MARCHF1: variants seen among roughly 807,000 people sequenced by gnomAD.
MARCHF1 encodes E3 ubiquitin-protein ligase MARCHF1.
MARCHF1 carries 40 observed loss-of-function variants against 54.2 expected under a neutral mutation model. The observed-to-expected ratio is 0.74, with a 90% CI of 0.57 to 0.96. The LOEUF (loss-of-function observed/expected upper bound fraction) is 0.96. Among genes scored for constraint, MARCHF1 ranks in the 40% least tolerant of loss-of-function variants. MARCHF1 has a pLI of 0.00. For missense variants in MARCHF1, 586 were observed against 656.5 expected, an observed-to-expected ratio of 0.89 and a Z score of 1.17; for synonymous variants, 236 against 236.3, an observed-to-expected ratio of 1.00 and a Z score of 0.01.
intron 8 of MARCHF1, among the ~76,000 whole-genome samples, chr4:163,569,692 A>G (rs543995488): frequency 3.5e-4 from 54 of 152,274 alleles, no homozygotes; most frequent in African/African-American, 1.2e-3. Flanking sequence ...TGCTGACTCT[A>G]CAGCTCAAGA....
intron 3 of MARCHF1, among the ~76,000 whole-genome samples, chr4:163,923,058 A>C (rs1751464866): frequency 6.6e-6 from 1 of 152,186 alleles, no homozygotes; most frequent in Non-Finnish European, 1.5e-5. Context: ...GCTTGAAAAA[A>C]GTCCTGTTGG....
chr4:163,701,896 G>A (rs1367544289), intron 4 of MARCHF1, among the ~76,000 whole-genome samples: 1 of 151,958 alleles, frequency 6.6e-6, no homozygotes. Flanking sequence ...CAACTGCAAT[G>A]CATCTTGACA....
chr4:163,969,242 T>C lies in MARCHF1; in HGVS notation c.-39+19259A>G, dbSNP rs540303874. Among the ~76,000 whole-genome samples, 255 of 152,320 alleles carry C rather than the reference T, an allele frequency of 1.7e-3. 9 individuals carry two copies. In the South Asian group the frequency reaches 0.051, roughly 30 times the overall value. The stretch of plus-strand genomic sequence containing the variant: ...TAAACTCTATTTGCATTTTCATATT[T>C]TGTGCTAAGCTCAATATTTAAGAGT... On this transcript the variant is annotated intron_variant, in intron 3 of 9. Transcript: ENST00000514618.
chr4:164,262,823 C>T (rs1733504182), intron 1 of MARCHF1, among the ~76,000 whole-genome samples: 1 of 152,104 alleles, frequency 6.6e-6, no homozygotes, highest in South Asian at 2.1e-4. Flanking sequence ...TATACACTCC[C>T]AATATCACAG....
In MARCHF1 at chr4:164,159,042, ACAC is replaced by A. The variant is rs1730158937; in HGVS notation, c.-322-47383_-322-47381del. 2.0e-5 allele frequency among the ~76,000 whole-genome samples: 3 copies of A among 152,196 alleles called. No individual in the cohort carries two copies. The South Asian group carries it at 6.2e-4, about 32-fold the overall frequency. On this transcript the variant is annotated intron_variant, in intron 1 of 9. Transcript: ENST00000514618. ...TCCAGTAACAGCACTGTGGTTAAGA[ACAC>A]AGGCTCTGCAATTAGACAAACTTTT...
intron 4 of MARCHF1, among the ~76,000 whole-genome samples, chr4:163,753,412 CT>C (rs1746580796): frequency 6.6e-6 from 1 of 151,942 alleles, no homozygotes; most frequent in Non-Finnish European, 1.5e-5. Flanking sequence ...TTAGTGTCTG[CT>C]TTTTGAAGAA....
intron 2 of MARCHF1, among the ~76,000 whole-genome samples, chr4:164,037,987 G>A (rs1479582614): frequency 6.6e-6 from 1 of 152,128 alleles, no homozygotes; most frequent in African/African-American, 2.4e-5. Context: ...AGATGGTGGT[G>A]GGAAAGAAAT....
In MARCHF1 at chr4:164,070,219, C is replaced by G. The variant is rs1399063566; in HGVS notation, c.-248+41369G>C. On this transcript the variant is annotated intron_variant, in intron 2 of 9. Transcript: ENST00000514618. ...CATGCAGTGAACCTAAACATATACC[C>G]CCTATATCTAAAATAAAAGTTTAAA... Among the ~76,000 whole-genome samples, 11 of 152,108 alleles carry G rather than the reference C, an allele frequency of 7.2e-5. 1 individual carries two copies. The highest frequency in any genetic ancestry group is 7.2e-4 in the Admixed American group (11 of 15,268).
intron 1 of MARCHF1, among the ~76,000 whole-genome samples, chr4:164,237,701 A>C (rs1732604160): frequency 6.6e-6 from 1 of 152,050 alleles, no homozygotes; most frequent in Non-Finnish European, 1.5e-5. Flanking sequence ...TTCTGCACTT[A>C]AACGATCCCC....
intron 7 of MARCHF1, among the ~76,000 whole-genome samples, chr4:163,608,239 G>T (rs765814980): frequency 6.6e-6 from 1 of 152,038 alleles, no homozygotes; most frequent in Non-Finnish European, 1.5e-5. Context: ...TTAGGAAGCT[G>T]TTCCTAAAGA....
In MARCHF1 at chr4:164,345,576, A is replaced by ATC. The variant is rs1561011042; in HGVS notation, c.-323+38293_-323+38294insGA. Among the ~76,000 whole-genome samples the ATC allele has an allele frequency of 6.3e-3, 96 of 15,184 alleles. 1 individual carries two copies. The highest frequency in any genetic ancestry group is 0.014 in the African/African-American group (92 of 6,370). The allele number at this position is 15,184 out of a possible 152,430, so 10.0% of individuals were successfully genotyped here. On this transcript the variant is annotated intron_variant, in intron 1 of 9. Coordinates refer to ENST00000514618, the MANE Select transcript of MARCHF1 (RefSeq NM_001394959.1). ...CTGAGCAAGAATCTGTCTCAAACAT[A>ATC]ATAATAATAATAATAATAATAATAA... is the stretch of plus-strand genomic sequence containing the variant.
chr4:163,667,897 G>T (rs1447188642), intron 5 of MARCHF1, among the ~76,000 whole-genome samples: 1 of 152,016 alleles, frequency 6.6e-6, no homozygotes. Context: ...AAAGTGCTGG[G>T]ATTACAGGTG....
intron 4 of MARCHF1, among the ~76,000 whole-genome samples, chr4:163,771,219 A>G (rs1178958206): frequency 1.3e-5 from 2 of 152,166 alleles, no homozygotes; most frequent in Admixed American, 1.3e-4. Context: ...TGCTATTGGC[A>G]TCTAGTGAGG....
At chr4:163,729,534 T>C (rs549879296) in intron 4 of MARCHF1, among the ~76,000 whole-genome samples, 1 of 152,246 alleles carries the variant, frequency 6.6e-6, no homozygotes, top group South Asian at 2.1e-4. Context: ...ATTTAATAGA[T>C]ACAAGCCTAC....
intron 1 of MARCHF1, among the ~76,000 whole-genome samples, chr4:164,145,328 C>T (rs1334187522): frequency 1.3e-5 from 2 of 151,728 alleles, no homozygotes; most frequent in African/African-American, 4.8e-5. Flanking sequence ...TTTATGAGGC[C>T]AGCATCATCC....
intron 1 of MARCHF1, among the ~76,000 whole-genome samples, chr4:164,162,670 G>A (rs1054348126): frequency 3.3e-5 from 5 of 151,972 alleles, no homozygotes; most frequent in African/African-American, 7.2e-5. Flanking sequence ...CACAACTGAG[G>A]TTCCAGAAGA....
chr4:164,344,030 AC>A (rs1254161264), intron 1 of MARCHF1, among the ~76,000 whole-genome samples: 2 of 152,208 alleles, frequency 1.3e-5, no homozygotes, highest in Non-Finnish European at 2.9e-5. Context: ...TATATCATGG[AC>A]TACTATGCAG....
At position 164,192,192 on chromosome 4, in the gene MARCHF1, G is replaced by A. The variant is rs1268033983; in HGVS notation, c.-322-80530C>T. 7.2e-5 allele frequency among the ~76,000 whole-genome samples: 11 copies of A among 152,178 alleles called. No individual in the cohort carries two copies. In the East Asian group the frequency reaches 1.9e-3, roughly 27 times the overall value. The stretch of plus-strand genomic sequence containing the variant: ...TTAATTTGTAAATAGCTAAGTATAC[G>A]ATTATATTTATTCATAGTTTACTCT... On this transcript the variant is annotated intron_variant, in intron 1 of 9. Coordinates refer to ENST00000514618, the MANE Select transcript of MARCHF1 (RefSeq NM_001394959.1).
intron 4 of MARCHF1, among the ~76,000 whole-genome samples, chr4:163,771,396 C>A (rs1747157432): frequency 6.6e-6 from 1 of 152,148 alleles, no homozygotes; most frequent in African/African-American, 2.4e-5. Context: ...ATCAAAATAC[C>A]AGCAACTGGG....
Sources: allele counts gnomAD v4.1 joint callset (sites outside exome capture counted in the v4.1 genomes callset), GRCh38; gene constraint gnomAD v4.1.1; transcripts MANE v1.5; gene names NCBI Gene and HGNC (gene_info 2026-07-23, HGNC 2026-07-21).